Variants in LCP2 observed in about 807,000 individuals in gnomAD.
LCP2 encodes lymphocyte cytosolic protein 2.
In LCP2, 29 loss-of-function variants were observed where a neutral mutation model predicts 74.5. The ratio of observed to expected loss-of-function variants is 0.39; its 90% CI spans 0.29 to 0.53. LCP2 has a LOEUF of 0.53. LCP2 is among the 20% of genes least tolerant of loss of function. The pLI is 0.72. For synonymous variants in LCP2, 228 were observed against 229.5 expected, an observed-to-expected ratio of 0.99 and a Z score of 0.06; for missense variants, 604 against 634.6, an observed-to-expected ratio of 0.95 and a Z score of 0.52.
chr5:170,261,464 TACACAC>T (rs1554139959), intron 13 of LCP2, among the ~76,000 whole-genome samples: 1 of 44,260 alleles, frequency 2.3e-5, no homozygotes, highest in Non-Finnish European at 4.6e-5. Flanking sequence ...TATATGTATA[TACACAC>T]ACACACACAC....
intron 10 of LCP2, 142 bp from the exon 11 acceptor site, chr5:170,263,134 A>C (rs966609120): frequency 1.0e-6 from 1 of 980,690 alleles, no homozygotes; most frequent in Non-Finnish European, 1.5e-6. Flanking sequence ...GAAACTTCAG[A>C]CTAGGAAGGG....
chr5:170,255,170 G>T (rs911847806), intron 17 of LCP2, among the ~76,000 whole-genome samples: 1 of 152,152 alleles, frequency 6.6e-6, no homozygotes, highest in Non-Finnish European at 1.5e-5. Context: ...GAAAATTAGG[G>T]GTTGGGCGAG....
At chr5:170,257,849 C>A (rs1403475672) in intron 16 of LCP2, among the ~76,000 whole-genome samples, 188 bp downstream of exon 16, 1 of 152,092 alleles carries the variant, frequency 6.6e-6, no homozygotes, top group Non-Finnish European at 1.5e-5. Context: ...AGCAGAGACT[C>A]AGAGGACACT....
rs766985268 is a variant in LCP2, at chr5:170,258,203, G to A, written c.971-37C>T. 8 of 1,610,488 alleles carry A rather than the reference G, an allele frequency of 5.0e-6. No individual in the cohort carries two copies. In the African/African-American group the frequency reaches 6.7e-5, roughly 13 times the overall value. On this transcript the variant is annotated intron_variant, in intron 15 of 20. Coordinates refer to ENST00000046794, the MANE Select transcript of LCP2 (RefSeq NM_005565.5). Reference sequence around the variant, plus strand: ...TAGAAAACAATGAATGAGATTGGCAGGCCCCAGCTGTCACTAAGAAACATT... The same window carrying A: ...TAGAAAACAATGAATGAGATTGGCAAGCCCCAGCTGTCACTAAGAAACATT...
rs1195996452 is a variant in LCP2 at position 170,256,871 on chromosome 5, C to G, written c.1101-296G>C. On this transcript the variant is annotated intron_variant, in intron 16 of 20. Transcript: ENST00000046794. This position sits in a 1 kb window ranked among gnomAD's most constrained non-coding sequence, Gnocchi z 4.5. ...CTTTAAAAATTGGCTGCAACTTGAG[C>G]TCTTTGAGTTGGGAGAATACAGAAG... 1.3e-5 allele frequency among the ~76,000 whole-genome samples: 2 copies of G among 152,212 alleles called. No individual in the cohort carries two copies. Among genetic ancestry groups the G allele is most frequent in the African/African-American group, 2.4e-5 (1 of 41,452 alleles).
At chr5:170,282,389 T>C (rs1209069988) in intron 3 of LCP2, among the ~76,000 whole-genome samples, 58 of 152,198 alleles carry the variant, frequency 3.8e-4, no homozygotes, top group Non-Finnish European at 1.5e-5. Context: ...GCAATTTCTG[T>C]GTGCTGCCTC....
intron 7 of LCP2, 27 bp from the exon 8 acceptor site, chr5:170,268,509 GA>G: frequency 4.2e-6 from 1 of 237,754 alleles, no homozygotes. Context: ...TTATTAAAGT[GA>G]AAGGGGAGTA....
intron 20 of LCP2, 128 bp from the exon 21 acceptor site, chr5:170,248,947 T>A: frequency 1.1e-6 from 1 of 874,110 alleles, no homozygotes; most frequent in Non-Finnish European, 1.7e-6. Flanking sequence ...GGAAAAAATG[T>A]AAATGTGGCA....
chr5:170,295,579 T>C (rs1762362910), intron 1 of LCP2, among the ~76,000 whole-genome samples: 1 of 152,192 alleles, frequency 6.6e-6, no homozygotes, highest in African/African-American at 2.4e-5. Flanking sequence ...TCGAGAGCTG[T>C]CTCCAAGGGA....
At chr5:170,293,716 G>T (rs1031101199) in intron 1 of LCP2, among the ~76,000 whole-genome samples, 1 of 152,204 alleles carries the variant, frequency 6.6e-6, no homozygotes. Context: ...GCCCAGAGAC[G>T]ACCTCGGTGT....
chr5:170,281,534 C>A (rs1397464026), intron 3 of LCP2, among the ~76,000 whole-genome samples: 2 of 152,212 alleles, frequency 1.3e-5, no homozygotes, highest in Non-Finnish European at 2.9e-5. Context: ...CCCGCCTTGG[C>A]CTCCCAAAGT....
Position 170,267,085 on chromosome 5 carries a change from G to A in LCP2, c.622-10C>T. ...GGGGTGGGGGCAGTGGCTGCATAAA[G>A]ATCCAAACGTTAGGAAGCACTTCCA... is the stretch of plus-strand genomic sequence containing the variant. On this transcript the variant is annotated splice_polypyrimidine_tract_variant and intron_variant, in intron 8 of 20. Coordinates refer to ENST00000046794, the MANE Select transcript of LCP2 (RefSeq NM_005565.5). The A allele has an allele frequency of 6.2e-7, 1 of 1,613,554 alleles. No homozygotes were observed. Among genetic ancestry groups the A allele is most frequent in the East Asian group, 2.2e-5 (1 of 44,870 alleles).
chr5:170,251,775 G>C (rs1761448705), intron 19 of LCP2: 1 of 387,708 alleles, frequency 2.6e-6, no homozygotes, highest in African/African-American at 2.1e-5. Flanking sequence ...AGCACCCCCA[G>C]AATAATTAGA....
intron 3 of LCP2, among the ~76,000 whole-genome samples, chr5:170,286,777 C>T (rs991876846): frequency 2.6e-5 from 4 of 152,124 alleles, no homozygotes; most frequent in African/African-American, 4.8e-5. Context: ...ATTGAGCTGC[C>T]AGCATTCCTA....
intron 2 of LCP2, among the ~76,000 whole-genome samples, chr5:170,290,834 T>A (rs780337598): frequency 2.0e-5 from 3 of 152,118 alleles, no homozygotes; most frequent in African/African-American, 4.8e-5. Context: ...CCTTTTCTCT[T>A]CTTTTTATAA....
rs1056781153 is a variant in LCP2 at position 170,263,048 on chromosome 5, T to C, written c.773-56A>G. 8 of 1,590,294 alleles carry C rather than the reference T, an allele frequency of 5.0e-6. No individual in the cohort carries two copies. In the Admixed American group the frequency reaches 8.6e-5, roughly 17 times the overall value. On this transcript the variant is annotated intron_variant, in intron 10 of 20. Coordinates refer to ENST00000046794, the MANE Select transcript of LCP2 (RefSeq NM_005565.5). ...AGTTCAGAACTTCATAAGCATGAGG[T>C]TTAAAAACACAGTTTGATGAAACTA... is the stretch of plus-strand genomic sequence containing the variant.
chr5:170,263,237 T>C (rs1318069956), intron 10 of LCP2, among the ~76,000 whole-genome samples: 2 of 152,232 alleles, frequency 1.3e-5, no homozygotes, highest in Admixed American at 6.5e-5. Flanking sequence ...TACATACAAG[T>C]AGTGTTGTGG....
chr5:170,250,753 C>G lies in LCP2; in HGVS notation c.1456G>C (p.Gly486Arg). ...ACCTCTTTCCCTCGGAGTCCAGTTC[C>G]CAACAAGTAAACTTGACTTTCCTTC... ...YQKESQVYLL[G>R]TGLRGKEDFL... Residue 486 changes from glycine (G) to arginine (R), a missense_variant, in exon 20 of 21, where the codon GGA (glycine) becomes CGA (arginine). By Grantham distance (125) the Gly-to-Arg change is moderately radical. Coordinates refer to ENST00000046794, the MANE Select transcript of LCP2 (RefSeq NM_005565.5). 1.2e-6 allele frequency: 2 copies of G among 1,613,428 alleles called. No individual in the cohort carries two copies. The highest frequency in any genetic ancestry group is 1.7e-6 in the Non-Finnish European group (2 of 1,179,426).
chr5:170,288,725 C>T lies in LCP2; in HGVS notation c.142-709G>A, dbSNP rs117027217. On this transcript the variant is annotated intron_variant, in intron 2 of 20. Coordinates refer to ENST00000046794, the MANE Select transcript of LCP2 (RefSeq NM_005565.5). ...CTCAGGGATATCAAGGGGATTTCCACTTGTGGGGGATGAGCTGGGGCTGGA... is the reference window on the plus strand; with the variant it reads ...CTCAGGGATATCAAGGGGATTTCCATTTGTGGGGGATGAGCTGGGGCTGGA... Among the ~76,000 whole-genome samples, 126 of 152,280 alleles carry T rather than the reference C, an allele frequency of 8.3e-4. No homozygotes were observed. The East Asian group carries it at 0.021, about 25-fold the overall frequency.
Sources: allele counts gnomAD v4.1 joint callset (sites outside exome capture counted in the v4.1 genomes callset), GRCh38; gene constraint gnomAD v4.1.1; non-coding constraint Gnocchi (gnomAD v3.1); transcripts MANE v1.5; gene names NCBI Gene and HGNC (gene_info 2026-07-23, HGNC 2026-07-21).